SCN1A: variants seen among roughly 807,000 people sequenced by gnomAD.
SCN1A encodes the protein sodium channel protein type 1 subunit alpha.
A neutral mutation model predicts 193.7 loss-of-function variants in SCN1A; 13 were observed. That is an observed-to-expected ratio of 0.07 (90% CI 0.04 to 0.11). The LOEUF (loss-of-function observed/expected upper bound fraction) is 0.11, where lower values mean the gene tolerates loss of function less well. Among genes scored for constraint, SCN1A ranks in the 10% least tolerant of loss-of-function variants. The pLI is 1.00. For missense variants in SCN1A, 1,432 were observed against 2,451.1 expected, an observed-to-expected ratio of 0.58 and a Z score of 8.78; for synonymous variants, 781 against 843.6, an observed-to-expected ratio of 0.93 and a Z score of 1.29.
At chr2:166,093,224 G>A (rs1574462078) in intron 2 of SCN1A, among the ~76,000 whole-genome samples, 1 of 151,914 alleles carries the variant, frequency 6.6e-6, no homozygotes, top group South Asian at 2.1e-4. Context: ...CAGTAGCCAT[G>A]CAAGCATTCA....
chr2:166,072,284 A>G (rs1270456541), intron 4 of SCN1A, among the ~76,000 whole-genome samples: 2 of 152,252 alleles, frequency 1.3e-5, no homozygotes, highest in Non-Finnish European at 1.5e-5. Context: ...TCATACATTT[A>G]ATTTAAAATC....
intron 2 of SCN1A, among the ~76,000 whole-genome samples, chr2:166,108,341 C>T (rs961334825): frequency 1.3e-5 from 2 of 151,898 alleles, no homozygotes; most frequent in Non-Finnish European, 2.9e-5. Flanking sequence ...GAAACTGGAA[C>T]CCTCATATAT....
intron 13 of SCN1A, among the ~76,000 whole-genome samples, chr2:166,044,835 G>A (rs890613476): frequency 2.0e-5 from 3 of 152,056 alleles, no homozygotes; most frequent in Non-Finnish European, 2.9e-5. Flanking sequence ...CTGTCAACTT[G>A]GTGTTATCTT....
intron 2 of SCN1A, among the ~76,000 whole-genome samples, chr2:166,078,492 GA>G (rs11311010): frequency 0.077 from 11,634 of 151,356 alleles, 1,215 homozygotes; most frequent in African/African-American, 0.24. Context: ...CGTGTGTAGA[GA>G]AAGGGGAAAC....
rs753684806 is a variant in SCN1A at position 165,988,639 on chromosome 2, A to C, written c.*2606T>G. On this transcript the variant is annotated 3_prime_UTR_variant, in exon 29 of 29. Transcript: ENST00000674923. The stretch of plus-strand genomic sequence containing the variant: ...AATCTTCTCTCTCTGGTGCTTTCCC[A>C]CTGGTGCTTCTCATTGGCCAAACCA... The C allele has an allele frequency of 6.6e-6, 1 of 152,194 alleles. No homozygotes were observed. The highest frequency in any genetic ancestry group is 2.4e-5 in the African/African-American group (1 of 41,440). 9.4% of individuals were successfully genotyped at this position (152,194 alleles called of 1,614,324 possible).
chr2:166,100,453 G>A (rs932909800), intron 2 of SCN1A, among the ~76,000 whole-genome samples: 1 of 151,566 alleles, frequency 6.6e-6, no homozygotes, highest in Admixed American at 6.6e-5. Flanking sequence ...ATAGGCATGG[G>A]CAAGGACCTC....
chr2:166,070,416 G>C (rs544303093), intron 4 of SCN1A, among the ~76,000 whole-genome samples: 1 of 152,110 alleles, frequency 6.6e-6, no homozygotes, highest in Non-Finnish European at 1.5e-5. Flanking sequence ...TGTTCTACTT[G>C]CACACTGTGA....
chr2:166,028,153 G>A (rs1695054958), intron 19 of SCN1A, among the ~76,000 whole-genome samples: 1 of 151,968 alleles, frequency 6.6e-6, no homozygotes, highest in Non-Finnish European at 1.5e-5. Context: ...CTTTCGATAG[G>A]TCACACATAA....
intron 1 of SCN1A, among the ~76,000 whole-genome samples, chr2:166,134,079 G>GTAAA (rs745996809): frequency 5.3e-5 from 8 of 152,144 alleles, no homozygotes; most frequent in Middle Eastern, 6.8e-3. Flanking sequence ...AAATAACTTT[G>GTAAA]TAAACCTCAT....
intron 1 of SCN1A, among the ~76,000 whole-genome samples, chr2:166,146,386 T>G (rs1692323117): frequency 6.6e-6 from 1 of 152,212 alleles, no homozygotes; most frequent in South Asian, 2.1e-4. Context: ...ATAAATGATA[T>G]ATTTGTTGTA....
chr2:166,136,335 T>G (rs1026598816), intron 1 of SCN1A, among the ~76,000 whole-genome samples: 1 of 152,196 alleles, frequency 6.6e-6, no homozygotes, highest in African/African-American at 2.4e-5. Context: ...ATGTGGATTT[T>G]CCCATGCTCT....
intron 23 of SCN1A, among the ~76,000 whole-genome samples, chr2:166,008,006 T>C (rs1213596804): frequency 6.6e-6 from 1 of 151,336 alleles, no homozygotes; most frequent in African/African-American, 2.4e-5. Context: ...AGATTAGTCA[T>C]TTTAGTGCTG....
intron 2 of SCN1A, among the ~76,000 whole-genome samples, chr2:166,080,144 A>G: frequency 6.6e-6 from 1 of 151,672 alleles, no homozygotes; most frequent in South Asian, 2.1e-4. Flanking sequence ...TACAAAGGAG[A>G]TTTCACCTCT....
chr2:166,017,473 T>C (rs1342285231), intron 19 of SCN1A, among the ~76,000 whole-genome samples: 1 of 152,014 alleles, frequency 6.6e-6, no homozygotes, highest in East Asian at 1.9e-4. Context: ...TCTTATGTCT[T>C]ATCCTCAACA....
chr2:166,041,479 GAAA>G lies in SCN1A; in HGVS notation c.2177-13_2177-11del, dbSNP rs11394960. The G allele has an allele frequency of 7.7e-5, 87 of 1,134,796 alleles. No individual in the cohort carries two copies. Among genetic ancestry groups the G allele is most frequent in the Non-Finnish European group, 9.7e-5 (77 of 792,304 alleles). 70.3% of individuals were successfully genotyped at this position (1,134,796 alleles called of 1,614,324 possible). A position where few individuals can be genotyped will look rare whatever the true frequency, so the allele number is the denominator to read the frequency against. ...CTGGATTCTTCAAGTTCTAGATTAA[GAAA>G]AAAAAAAAAAAGAACCACCAAAAGG... On this transcript the variant is annotated splice_polypyrimidine_tract_variant and intron_variant, in intron 15 of 28. Coordinates refer to ENST00000674923, the MANE Select transcript of SCN1A (RefSeq NM_001165963.4).
At chr2:166,040,445 T>C (rs1008965283) in intron 16 of SCN1A, among the ~76,000 whole-genome samples, 3 of 152,198 alleles carry the variant, frequency 2.0e-5, no homozygotes, top group Admixed American at 6.5e-5. Flanking sequence ...TTTACTTCTG[T>C]AGTATAAATA....
chr2:166,125,814 T>C (rs1279595829), intron 2 of SCN1A, among the ~76,000 whole-genome samples: 1 of 152,028 alleles, frequency 6.6e-6, no homozygotes, highest in African/African-American at 2.4e-5. Flanking sequence ...GGACAATCCC[T>C]CCTGCCATGT....
chr2:166,088,782 CTGT>C (rs1395953276), intron 2 of SCN1A, among the ~76,000 whole-genome samples: 5 of 152,134 alleles, frequency 3.3e-5, no homozygotes. Flanking sequence ...GTTGCGACAA[CTGT>C]TGTTGTTCTC....
intron 14 of SCN1A, 102 bp from the exon 15 acceptor site, chr2:166,042,526 T>A: frequency 9.6e-7 from 1 of 1,044,068 alleles, no homozygotes; most frequent in Non-Finnish European, 1.5e-6. Context: ...ACATGCATCA[T>A]GCACTTTCAT....
Sources: allele counts gnomAD v4.1 joint callset (sites outside exome capture counted in the v4.1 genomes callset), GRCh38; gene constraint gnomAD v4.1.1; transcripts MANE v1.5; gene names NCBI Gene and HGNC (gene_info 2026-07-23, HGNC 2026-07-21).